Variants in RASAL2 observed in about 807,000 individuals in gnomAD.
RASAL2 encodes RAS protein activator like 2.
RASAL2 carries 58 observed loss-of-function variants against 128.9 expected under a neutral mutation model. That is an observed-to-expected ratio of 0.45 (90% CI 0.36 to 0.56). RASAL2 has a LOEUF of 0.56. Among genes scored for constraint, RASAL2 ranks in the 20% least tolerant of loss-of-function variants. RASAL2 has a pLI of 0.00. For missense variants in RASAL2, 1,360 were observed against 1,601.6 expected (o/e 0.85, Z 2.57); for synonymous variants, 561 against 580.8 (o/e 0.97, Z 0.49).
chr1:178,149,028 C>T (rs1206424879), intron 1 of RASAL2, among the ~76,000 whole-genome samples: 1 of 151,744 alleles, frequency 6.6e-6, no homozygotes, highest in Non-Finnish European at 1.5e-5. Flanking sequence ...TTCTTTTTTC[C>T]TAAGTATAGA....
chr1:178,344,465 T>C (rs916099452), intron 3 of RASAL2, among the ~76,000 whole-genome samples: 1 of 152,216 alleles, frequency 6.6e-6, no homozygotes, highest in Non-Finnish European at 1.5e-5. Context: ...TCTTTACTCA[T>C]GAAAGTTACC....
Position 178,446,349 on chromosome 1 carries a change from G to A in RASAL2, c.1627+687G>A, listed in dbSNP as rs1259922199. Among the ~76,000 whole-genome samples the A allele has an allele frequency of 6.6e-5, 10 of 152,260 alleles. No homozygotes were observed. In the East Asian group the frequency reaches 1.7e-3, roughly 26 times the overall value. ...CACACACTGTTGAGCAGCACTGTCC[G>A]ATAGAAATATGACCCATGTGTGAAT... On this transcript the variant is annotated intron_variant, in intron 9 of 17. Transcript: ENST00000367649.
chr1:178,452,954 GA>G (rs34502339), intron 11 of RASAL2, among the ~76,000 whole-genome samples: 2 of 151,812 alleles, frequency 1.3e-5, no homozygotes, highest in African/African-American at 2.4e-5. Context: ...ACTTTAGTGG[GA>G]AAAAAAGGGC....
At chr1:178,216,219 G>T (rs1663415164) in intron 1 of RASAL2, among the ~76,000 whole-genome samples, 1 of 152,112 alleles carries the variant, frequency 6.6e-6, no homozygotes. Flanking sequence ...TTCAATTTGT[G>T]TTAAATATGA....
chr1:178,410,697 A>G (rs1481311627), intron 4 of RASAL2, among the ~76,000 whole-genome samples: 1 of 152,202 alleles, frequency 6.6e-6, no homozygotes, highest in Non-Finnish European at 1.5e-5. Context: ...AATCCCGTCA[A>G]AAAGTGAGCA....
At position 178,425,193 on chromosome 1, in the gene RASAL2, G is replaced by T. The variant is rs150058852; in HGVS notation, c.674+4573G>T. ...TAGACACGCACACAGAACTTTCCTT[G>T]GAATGGAAATAATGAGCAAAAGTAG... On this transcript the variant is annotated intron_variant, in intron 5 of 17. Transcript: ENST00000367649. Among the ~76,000 whole-genome samples, 127 of 152,134 alleles carry T rather than the reference G, an allele frequency of 8.3e-4. 1 individual carries two copies. Among genetic ancestry groups the T allele is most frequent in the African/African-American group, 2.9e-3 (120 of 41,512 alleles).
At chr1:178,345,180 T>G (rs911844227) in intron 3 of RASAL2, among the ~76,000 whole-genome samples, 4 of 152,216 alleles carry the variant, frequency 2.6e-5, no homozygotes, top group African/African-American at 4.8e-5. Context: ...AATACGACTC[T>G]ATAGAACTCC....
chr1:178,236,382 TC>T lies in RASAL2; in HGVS notation c.203-47180del, dbSNP rs1403414987. Among the ~76,000 whole-genome samples the T allele has an allele frequency of 2.2e-5, 3 of 138,804 alleles. No homozygotes were observed. The South Asian group carries it at 6.8e-4, about 31-fold the overall frequency. The allele number at this position is 138,804 out of a possible 152,430, so 91.1% of individuals were successfully genotyped here. A position where few individuals can be genotyped will look rare whatever the true frequency, so the allele number is the denominator to read the frequency against. ...TTAGAATTTGCAGTTACACTTGGTT[TC>T]CAAAAATCAGAGATTCTGGATTTTA... On this transcript the variant is annotated intron_variant, in intron 1 of 17. Coordinates refer to ENST00000367649, the MANE Select transcript of RASAL2 (RefSeq NM_170692.4).
At chr1:178,366,590 C>T (rs1230467417) in intron 3 of RASAL2, among the ~76,000 whole-genome samples, 5 of 101,348 alleles carry the variant, frequency 4.9e-5, no homozygotes, top group Admixed American at 3.2e-4. Context: ...CCCACCCCCC[C>T]CCGCCAAAAA....
At chr1:178,196,611 A>G (rs1383918361) in intron 1 of RASAL2, among the ~76,000 whole-genome samples, 1 of 152,230 alleles carries the variant, frequency 6.6e-6, no homozygotes, top group Non-Finnish European at 1.5e-5. Flanking sequence ...TAAGTAATCT[A>G]GAGATGATTT....
intron 3 of RASAL2, among the ~76,000 whole-genome samples, chr1:178,321,933 AG>A (rs1468980651): frequency 4.0e-5 from 6 of 151,640 alleles, no homozygotes; most frequent in African/African-American, 7.3e-5. Context: ...GGTTTTGGTG[AG>A]CCGAGATCGC....
rs16852438 is a variant in RASAL2, at chr1:178,102,930, C to A, written c.202+8236C>A. On this transcript the variant is annotated intron_variant, in intron 1 of 17. Coordinates refer to ENST00000367649, the MANE Select transcript of RASAL2 (RefSeq NM_170692.4). The stretch of plus-strand genomic sequence containing the variant: ...ATAGATAGATATGTAAAAATCCTGC[C>A]ATAAGTGGGATCCAAGAAATCTAGT... 2.6e-3 allele frequency among the ~76,000 whole-genome samples: 399 copies of A among 152,194 alleles called. 14 individuals are homozygous for A. In the East Asian group the frequency reaches 0.07, roughly 27 times the overall value.
intron 1 of RASAL2, among the ~76,000 whole-genome samples, chr1:178,186,537 T>A (rs1327880242): frequency 1.3e-5 from 2 of 152,198 alleles, no homozygotes; most frequent in African/African-American, 4.8e-5. Flanking sequence ...CTTTTCTTTC[T>A]GTACATTTAA....
At chr1:178,247,347 T>A (rs1664813454) in intron 1 of RASAL2, among the ~76,000 whole-genome samples, 1 of 152,174 alleles carries the variant, frequency 6.6e-6, no homozygotes, top group Admixed American at 6.5e-5. Flanking sequence ...TTCCGTTTTT[T>A]TTGCATACAG....
At chr1:178,122,330 C>G (rs1302792531) in intron 1 of RASAL2, among the ~76,000 whole-genome samples, 1 of 152,140 alleles carries the variant, frequency 6.6e-6, no homozygotes, top group African/African-American at 2.4e-5. Flanking sequence ...AAAGCCAACA[C>G]TGGAGTGTAA....
At chr1:178,320,590 A>G (rs193118084) in intron 3 of RASAL2, among the ~76,000 whole-genome samples, 2,765 of 152,230 alleles carry the variant, frequency 0.018, 75 homozygotes, top group African/African-American at 0.06. Context: ...TTTGACTGGG[A>G]GAGGGAACTC....
At chr1:178,141,193 CTTTTTTTTTTTTTT>C (rs71297900) in intron 1 of RASAL2, among the ~76,000 whole-genome samples, 6 of 73,936 alleles carry the variant, frequency 8.1e-5, no homozygotes, top group Admixed American at 6.4e-4. Flanking sequence ...CTTTTCTTTT[CTTTTTTTTTTTTTT>C]TTTTTTTTTT....
chr1:178,263,075 C>T (rs983079870), intron 1 of RASAL2, among the ~76,000 whole-genome samples: 1 of 152,050 alleles, frequency 6.6e-6, no homozygotes, highest in Non-Finnish European at 1.5e-5. Context: ...CAAATCTGTG[C>T]AGTACTTTTT....
At chr1:178,371,700 T>G (rs977976360) in intron 3 of RASAL2, among the ~76,000 whole-genome samples, 9 of 152,172 alleles carry the variant, frequency 5.9e-5, no homozygotes, top group Non-Finnish European at 2.9e-5. Flanking sequence ...GCTGCAGTTC[T>G]TGCGGAGGAC....
Sources: gnomAD v4.1 joint callset for allele counts (sites outside exome capture counted in the v4.1 genomes callset) on GRCh38, gnomAD v4.1.1 for gene constraint, MANE v1.5 for transcripts, NCBI Gene and HGNC (gene_info 2026-07-23, HGNC 2026-07-21) for gene names.